The following PALLD variants were observed in gnomAD, a reference collection of about 807,000 sequenced individuals.
PALLD encodes the protein palladin, cytoskeletal associated protein, also known as palladin.
PALLD carries 61 observed loss-of-function variants against 123.5 expected under a neutral mutation model. That is an observed-to-expected ratio of 0.49 (90% CI 0.40 to 0.61). The LOEUF (loss-of-function observed/expected upper bound fraction) is 0.61. PALLD is among the 20% of genes least tolerant of loss of function. The pLI, the probability that PALLD is intolerant of heterozygous loss-of-function variation, is 0.00. For synonymous variants in PALLD, 465 were observed against 496.4 expected, an observed-to-expected ratio of 0.94 and a Z score of 0.84; for missense variants, 1,273 against 1,377.0, an observed-to-expected ratio of 0.92 and a Z score of 1.20.
intron 10 of PALLD, among the ~76,000 whole-genome samples, chr4:168,830,030 A>G (rs2150841163): frequency 6.6e-6 from 1 of 152,196 alleles, no homozygotes; most frequent in East Asian, 1.9e-4. Context: ...TCAGGAGTTC[A>G]AGAGCAGCTT....
chr4:168,567,542 G>GTGT (rs150508313), intron 2 of PALLD, among the ~76,000 whole-genome samples: 5 of 145,514 alleles, frequency 3.4e-5, no homozygotes, highest in African/African-American at 1.3e-4. Flanking sequence ...AAGAAAATGT[G>GTGT]GTGTGTGTGT....
intron 8 of PALLD, among the ~76,000 whole-genome samples, chr4:168,707,661 G>A (rs1447716356): frequency 6.6e-6 from 1 of 152,178 alleles, no homozygotes; most frequent in Non-Finnish European, 1.5e-5. Flanking sequence ...TGGGGAAATA[G>A]ACTCTGCCAC....
At position 168,587,299 on chromosome 4, in the gene PALLD, A is replaced by C. The variant is rs1396077289; in HGVS notation, c.908+74887A>C. On this transcript the variant is annotated intron_variant, in intron 2 of 21. Coordinates refer to ENST00000505667, the MANE Select transcript of PALLD (RefSeq NM_001166108.2). ...CCAGTGGAGACATTCTTTGAAGACCACATAGGCAATCACTTGACCAAATGC... is the reference window on the plus strand; with the variant it reads ...CCAGTGGAGACATTCTTTGAAGACCCCATAGGCAATCACTTGACCAAATGC... Among the ~76,000 whole-genome samples the C allele has an allele frequency of 4.6e-5, 7 of 152,246 alleles. 1 individual carries two copies. In the South Asian group the frequency reaches 6.2e-4, roughly 13 times the overall value.
At chr4:168,574,817 A>T (rs535062010) in intron 2 of PALLD, among the ~76,000 whole-genome samples, 10 of 152,254 alleles carry the variant, frequency 6.6e-5, no homozygotes, top group African/African-American at 2.4e-4. Flanking sequence ...GCTTTGTCAC[A>T]GAGGCTCTAA....
intron 10 of PALLD, among the ~76,000 whole-genome samples, chr4:168,724,954 T>C (rs577651252): frequency 1.3e-5 from 2 of 152,242 alleles, no homozygotes; most frequent in Non-Finnish European, 2.9e-5. Flanking sequence ...TAGAGCTCAC[T>C]ACTGTACACC....
intron 2 of PALLD, among the ~76,000 whole-genome samples, chr4:168,638,941 G>A (rs1776620473): frequency 6.6e-6 from 1 of 151,996 alleles, no homozygotes; most frequent in Non-Finnish European, 1.5e-5. Flanking sequence ...CCCCTCTCAT[G>A]TTCCTCTCCC....
intron 10 of PALLD, among the ~76,000 whole-genome samples, chr4:168,717,164 A>T (rs745481944): frequency 1.3e-5 from 2 of 152,108 alleles, no homozygotes; most frequent in Non-Finnish European, 2.9e-5. Context: ...GAGAATGGGA[A>T]CCCTGACTGT....
chr4:168,644,820 C>T (rs1012969048), intron 2 of PALLD, among the ~76,000 whole-genome samples: 1 of 152,030 alleles, frequency 6.6e-6, no homozygotes, highest in Non-Finnish European at 1.5e-5. Context: ...AGGGAGATAT[C>T]AGCTGGGTGC....
chr4:168,650,268 T>TA (rs886515937), intron 2 of PALLD, among the ~76,000 whole-genome samples: 2 of 152,224 alleles, frequency 1.3e-5, no homozygotes, highest in Non-Finnish European at 2.9e-5. Context: ...AGTGAAAAGT[T>TA]AAAGTTTTTC....
rs182262982 is a variant in PALLD, at chr4:168,927,961, G to A, written c.*1781G>A. Reference sequence around the variant, plus strand: ...CTTAGCTCAGTTACTCAATTCATACGTAGTATTTTTTAAAATAATTTTATA... The same window carrying A: ...CTTAGCTCAGTTACTCAATTCATACATAGTATTTTTTAAAATAATTTTATA... On this transcript the variant is annotated 3_prime_UTR_variant, in exon 22 of 22. Transcript: ENST00000505667. The A allele has an allele frequency of 2.0e-5, 4 of 196,212 alleles. No homozygotes were observed. The highest frequency in any genetic ancestry group is 8.1e-5 in the East Asian group (1 of 12,370). The allele number at this position is 196,212 out of a possible 1,614,324, so 12.2% of individuals were successfully genotyped here.
At chr4:168,829,964 G>A (rs916966355) in intron 10 of PALLD, among the ~76,000 whole-genome samples, 3 of 152,176 alleles carry the variant, frequency 2.0e-5, no homozygotes, top group African/African-American at 7.2e-5. Context: ...AGGTGCAGTG[G>A]GTCATGCCTA....
chr4:168,671,082 C>T (rs1234816135), intron 3 of PALLD, among the ~76,000 whole-genome samples: 3 of 151,054 alleles, frequency 2.0e-5, no homozygotes, highest in South Asian at 2.1e-4. Flanking sequence ...TAAGAGAAAT[C>T]GAAAGCATTT....
intron 2 of PALLD, among the ~76,000 whole-genome samples, chr4:168,628,068 T>G (rs979922187): frequency 6.6e-6 from 1 of 152,220 alleles, no homozygotes; most frequent in Non-Finnish European, 1.5e-5. Context: ...TTGGCTGTAT[T>G]TATCAAAATT....
intron 2 of PALLD, among the ~76,000 whole-genome samples, chr4:168,644,029 A>C (rs186022890): frequency 6.6e-6 from 1 of 151,708 alleles, no homozygotes; most frequent in Non-Finnish European, 1.5e-5. Context: ...AAAGAGAAAA[A>C]TGGTTTGGTA....
chr4:168,621,794 A>G (rs1774789029), intron 2 of PALLD, among the ~76,000 whole-genome samples: 1 of 152,156 alleles, frequency 6.6e-6, no homozygotes, highest in African/African-American at 2.4e-5. Context: ...CAAGCTGTGA[A>G]TTCCAGTGGC....
At chr4:168,742,354 C>T (rs1788437933) in intron 10 of PALLD, among the ~76,000 whole-genome samples, 2 of 152,144 alleles carry the variant, frequency 1.3e-5, no homozygotes, top group South Asian at 4.2e-4. Flanking sequence ...AGCTCTCTGA[C>T]CTCTGGGTTG....
At chr4:168,605,409 G>C (rs1204338604) in intron 2 of PALLD, among the ~76,000 whole-genome samples, 1 of 152,140 alleles carries the variant, frequency 6.6e-6, no homozygotes, top group African/African-American at 2.4e-5. Context: ...CAGCTACTGA[G>C]TATCTAGTCT....
At position 168,833,715 on chromosome 4, in the gene PALLD, A is replaced by G. The variant is rs138601194; in HGVS notation, c.1965-57207A>G. On this transcript the variant is annotated intron_variant, in intron 10 of 21. Transcript: ENST00000505667. ...ATTTGGGTTTGGGTTGCTTCTAGAA[A>G]GACAGCATCTTTCTTGCTATTTTTT... is the stretch of plus-strand genomic sequence containing the variant. Among the ~76,000 whole-genome samples, 427 of 151,884 alleles carry G rather than the reference A, an allele frequency of 2.8e-3. 1 individual carries two copies. Among genetic ancestry groups the G allele is most frequent in the Middle Eastern group, 0.017 (5 of 294 alleles).
At position 168,676,965 on chromosome 4, in the gene PALLD, G is replaced by C. The variant is rs868576884; in HGVS notation, c.1088-4367G>C. ...TGACATTTCCACTGGCCAAAGCCTGGAGCAGGATCGTCGGCGTGTGATTCC... is the reference window on the plus strand; with the variant it reads ...TGACATTTCCACTGGCCAAAGCCTGCAGCAGGATCGTCGGCGTGTGATTCC... On this transcript the variant is annotated intron_variant, in intron 3 of 21. Transcript: ENST00000505667. Among the ~76,000 whole-genome samples the C allele has an allele frequency of 4.6e-5, 7 of 152,260 alleles. No homozygotes were observed. The Middle Eastern group carries it at 0.024, about 518-fold the overall frequency.
Sources: gnomAD v4.1 joint callset for allele counts (sites outside exome capture counted in the v4.1 genomes callset) on GRCh38, gnomAD v4.1.1 for gene constraint, MANE v1.5 for transcripts, NCBI Gene and HGNC (gene_info 2026-07-23, HGNC 2026-07-21) for gene names.